TRANK1: variants seen among roughly 807,000 people sequenced by gnomAD.
The protein encoded by TRANK1 is TPR and ankyrin repeat-containing protein 1.
In TRANK1, 198 loss-of-function variants were observed where a neutral mutation model predicts 266.0. The ratio of observed to expected loss-of-function variants is 0.74; its 90% CI spans 0.66 to 0.84. TRANK1 has a LOEUF of 0.84. Ranked by LOEUF, TRANK1 falls within the 40% of genes least tolerant of loss-of-function variation. TRANK1 has a pLI of 0.00. For missense variants in TRANK1, 3,326 were observed against 3,634.6 expected, an observed-to-expected ratio of 0.92 and a Z score of 2.18; for synonymous variants, 1,396 against 1,384.1, an observed-to-expected ratio of 1.01 and a Z score of -0.19.
At chr3:36,940,511 A>AG (rs1429341136) in intron 1 of TRANK1, among the ~76,000 whole-genome samples, 6 of 151,376 alleles carry the variant, frequency 4.0e-5, no homozygotes, top group Admixed American at 1.3e-4. Flanking sequence ...AAAAAAAAAA[A>AG]AAGAAGCTGC....
At position 36,831,115 on chromosome 3, in the gene TRANK1, T is replaced by G; in HGVS notation, c.8468A>C (p.His2823Pro). ...RNSESYEQHI[H>P]LEHHQRQQVA... is the part of the protein sequence containing the mutation. Reference sequence around the variant, plus strand: ...TTGCTGCCTCTGGTGGTGTTCTAGATGGATATGCTGCTCGTAAGACTCGCT... The same window carrying G: ...TTGCTGCCTCTGGTGGTGTTCTAGAGGGATATGCTGCTCGTAAGACTCGCT... The change falls in exon 22 of 24, where the codon CAT becomes CCT. Residue 2823 changes from histidine (H) to proline (P), a missense_variant. By Grantham distance (77) the His-to-Pro change is moderately conservative (BLOSUM62 -2). Coordinates refer to ENST00000645898, the MANE Select transcript of TRANK1 (RefSeq NM_001329998.2). This position sits in a 1 kb window ranked among gnomAD's most constrained non-coding sequence, Gnocchi z 5.0. 6.2e-7 allele frequency: 1 copy of G among 1,613,998 alleles called. No individual in the cohort carries two copies. The highest frequency in any genetic ancestry group is 8.5e-7 in the Non-Finnish European group (1 of 1,179,876).
At chr3:36,875,915 G>A (rs6765139) in intron 8 of TRANK1, among the ~76,000 whole-genome samples, 50,267 of 152,110 alleles carry the variant, frequency 0.33, 9,316 homozygotes, top group East Asian at 0.56. Context: ...TTGGGAGGAC[G>A]TCATTTCCAT....
chr3:36,866,066 A>AAGAG (rs2079217723), intron 9 of TRANK1, among the ~76,000 whole-genome samples: 1 of 140,986 alleles, frequency 7.1e-6, no homozygotes, highest in Non-Finnish European at 1.5e-5. Flanking sequence ...GAAAGAAAGA[A>AAGAG]AGAAAGAAAG....
intron 1 of TRANK1, among the ~76,000 whole-genome samples, chr3:36,932,549 C>T (rs1380259329): frequency 1.3e-5 from 2 of 152,124 alleles, no homozygotes; most frequent in African/African-American, 4.8e-5. Context: ...GGCAACAGAG[C>T]GAAACTCCAA....
chr3:36,859,004 C>T (rs2079097090), intron 11 of TRANK1, 110 bp from the exon 12 acceptor site: 1 of 1,284,570 alleles, frequency 7.8e-7, no homozygotes, highest in Non-Finnish European at 1.0e-6. Flanking sequence ...TAATGTTTAC[C>T]TAACTTCCAA....
intron 8 of TRANK1, among the ~76,000 whole-genome samples, chr3:36,879,684 A>G (rs1478435065): frequency 1.8e-5 from 2 of 113,380 alleles, no homozygotes; most frequent in Non-Finnish European, 3.3e-5. Context: ...ATATATAAAT[A>G]TATAAATATA....
At position 36,842,729 on chromosome 3, in the gene TRANK1, G is replaced by T. The variant is rs753431162; in HGVS notation, c.5192-19C>A. 2.5e-6 allele frequency: 4 copies of T among 1,607,162 alleles called. No individual in the cohort carries two copies. Among genetic ancestry groups the T allele is most frequent in the Non-Finnish European group, 3.4e-6 (4 of 1,175,074 alleles). ...TCAAAGTCTAAAATGAGAAAGAAAAGTGTGTTTGCTTCTCTGGGCTTTCTT... is the reference window on the plus strand; with the variant it reads ...TCAAAGTCTAAAATGAGAAAGAAAATTGTGTTTGCTTCTCTGGGCTTTCTT... On this transcript the variant is annotated intron_variant, in intron 17 of 23. Transcript: ENST00000645898.
At chr3:36,888,973 G>A (rs550433673) in intron 8 of TRANK1, among the ~76,000 whole-genome samples, 85 of 152,256 alleles carry the variant, frequency 5.6e-4, no homozygotes, top group African/African-American at 1.9e-3. Context: ...TTGAACCTGG[G>A]AAGCGGAGGT....
rs748582267 is a variant in TRANK1 at position 36,846,352 on chromosome 3, A to G, written c.5087T>C (p.Val1696Ala). 16 of 1,613,834 alleles carry G rather than the reference A, an allele frequency of 9.9e-6. No individual in the cohort carries two copies. Among genetic ancestry groups the G allele is most frequent in the Admixed American group, 1.7e-5 (1 of 59,996 alleles). ...GTTTTCATCAAAGATCCAGAGGTTG[A>G]CCCGAGCCCGTGTGATGGCGGTGTA... ...QLYTAITRAR[V>A]NLWIFDENRE... is the part of the protein sequence containing the mutation. Residue 1696 changes from valine to alanine, a missense_variant, in exon 17 of 24, where the codon GTC (valine) becomes GCC (alanine). By Grantham distance (64) the Val-to-Ala change is moderately conservative. Transcript: ENST00000645898.
intron 8 of TRANK1, among the ~76,000 whole-genome samples, chr3:36,885,061 G>C (rs114774790): frequency 0.016 from 2,501 of 152,152 alleles, 63 homozygotes; most frequent in African/African-American, 0.055. Context: ...AAAATTGGTG[G>C]GCAGAAGTTT....
At chr3:36,828,495 G>A in intron 23 of TRANK1, 120 bp from the exon 24 acceptor site, 1 of 700,942 alleles carries the variant, frequency 1.4e-6, no homozygotes, top group Non-Finnish European at 2.4e-6. Context: ...GGAAGGAAGG[G>A]CAGAATGGTG....
rs73826906 is a variant in TRANK1, at chr3:36,837,316, T to C, written c.5517+1056A>G. On this transcript the variant is annotated intron_variant, in intron 20 of 23. Transcript: ENST00000645898. ...CATCTTAAGAAGTCACATCCCATAA[T>C]AAACATGGAACAGGGTAGGCAGCAT... is the stretch of plus-strand genomic sequence containing the variant. Among the ~76,000 whole-genome samples the C allele has an allele frequency of 4.3e-3, 655 of 152,272 alleles. 5 individuals carry two copies. Among genetic ancestry groups the C allele is most frequent in the African/African-American group, 0.014 (590 of 41,542 alleles).
At chr3:36,906,384 G>A (rs1295114818) in intron 2 of TRANK1, among the ~76,000 whole-genome samples, 6 of 152,136 alleles carry the variant, frequency 3.9e-5, no homozygotes, top group Admixed American at 3.9e-4. Flanking sequence ...GGGAACTTCT[G>A]GGGACCCTCA....
chr3:36,930,428 G>A (rs1033993146), intron 1 of TRANK1, among the ~76,000 whole-genome samples: 6 of 152,066 alleles, frequency 3.9e-5, no homozygotes, highest in African/African-American at 1.4e-4. Context: ...CTTGGTTTTC[G>A]CCATGTGAAA....
At position 36,880,073 on chromosome 3, in the gene TRANK1, CAAATATATATAAACATATAT is replaced by C. The variant is rs1320396367; in HGVS notation, c.908-5797_908-5778del. ...AAACATACAAATATATGTAAACATG[CAAATATATATAAACATATAT>C]AAATATATATAAACATATATAAATA... On this transcript the variant is annotated intron_variant, in intron 8 of 23. Coordinates refer to ENST00000645898, the MANE Select transcript of TRANK1 (RefSeq NM_001329998.2). 7 of 30,170 alleles carry C rather than the reference CAAATATATATAAACATATAT, an allele frequency of 2.3e-4. 2 individuals carry two copies. The highest frequency in any genetic ancestry group is 4.5e-4 in the Non-Finnish European group (6 of 13,346). 1.9% of individuals were successfully genotyped at this position (30,170 alleles called of 1,614,324 possible).
At position 36,858,085 on chromosome 3, in the gene TRANK1, C is replaced by A. The variant is rs1392047819; in HGVS notation, c.1673-36G>T. On this transcript the variant is annotated intron_variant, in intron 12 of 23. Transcript: ENST00000645898. Reference sequence around the variant, plus strand: ...CAAACAAAACCCTGTGAGCACTGAGCCACTCTTCTTAGGGGACAGCAGACC... The same window carrying A: ...CAAACAAAACCCTGTGAGCACTGAGACACTCTTCTTAGGGGACAGCAGACC... The A allele has an allele frequency of 2.7e-6, 4 of 1,462,998 alleles. No homozygotes were observed. In the Admixed American group the frequency reaches 9.4e-5, roughly 34 times the overall value. The allele number at this position is 1,462,998 out of a possible 1,614,324, so 90.6% of individuals were successfully genotyped here. A position where few individuals can be genotyped will look rare whatever the true frequency, so the allele number is the denominator to read the frequency against.
intron 9 of TRANK1, among the ~76,000 whole-genome samples, chr3:36,868,021 G>A (rs2079252085): frequency 6.6e-6 from 1 of 152,228 alleles, no homozygotes; most frequent in South Asian, 2.1e-4. Flanking sequence ...GTGCGGATGT[G>A]TGTGAGTGAG....
At chr3:36,943,984 G>T (rs149966358) in intron 1 of TRANK1, among the ~76,000 whole-genome samples, 5 of 152,158 alleles carry the variant, frequency 3.3e-5, no homozygotes, top group Admixed American at 6.5e-5. Flanking sequence ...TGGGAGAAAA[G>T]GTGGCTTGAG....
At chr3:36,941,486 C>T (rs1188089227) in intron 1 of TRANK1, among the ~76,000 whole-genome samples, 1 of 152,160 alleles carries the variant, frequency 6.6e-6, no homozygotes, top group Non-Finnish European at 1.5e-5. Context: ...AGGCAAAGGT[C>T]ATTCACATTT....
Sources: gnomAD v4.1 joint callset for allele counts (sites outside exome capture counted in the v4.1 genomes callset) on GRCh38, gnomAD v4.1.1 for gene constraint, Gnocchi (gnomAD v3.1) non-coding constraint, MANE v1.5 for transcripts, NCBI Gene and HGNC (gene_info 2026-07-23, HGNC 2026-07-21) for gene names.